ATF7: variants seen among roughly 807,000 people sequenced by gnomAD.
ATF7 encodes cyclic AMP-dependent transcription factor ATF-7.
ATF7 carries 10 observed loss-of-function variants against 50.4 expected under a neutral mutation model. That is an observed-to-expected ratio of 0.20 (90% CI 0.12 to 0.34). The LOEUF is 0.34. Among genes scored for constraint, ATF7 ranks in the 10% least tolerant of loss-of-function variants. The pLI is 1.00. For missense variants in ATF7, 465 were observed against 613.9 expected, an observed-to-expected ratio of 0.76 and a Z score of 2.56; for synonymous variants, 201 against 226.4, an observed-to-expected ratio of 0.89 and a Z score of 1.01.
intron 1 of ATF7, among the ~76,000 whole-genome samples, chr12:53,606,576 T>A (rs1021283193): frequency 6.6e-6 from 1 of 151,976 alleles, no homozygotes; most frequent in Non-Finnish European, 1.5e-5. Flanking sequence ...ATTTTAATAT[T>A]ATTATACTTT....
At chr12:53,547,230 C>T (rs1243542395) in intron 3 of ATF7, among the ~76,000 whole-genome samples, 2 of 150,532 alleles carry the variant, frequency 1.3e-5, no homozygotes, top group Non-Finnish European at 2.9e-5. Context: ...GTGATCCACC[C>T]GCCTCAGTGT....
intron 3 of ATF7, among the ~76,000 whole-genome samples, chr12:53,550,323 C>CA (rs72114384): frequency 0.056 from 7,090 of 125,952 alleles, 251 homozygotes; most frequent in Non-Finnish European, 0.087. Flanking sequence ...GACCCTGTCT[C>CA]AAAAAAAAAA....
chr12:53,563,036 G>C (rs951712275), intron 2 of ATF7, among the ~76,000 whole-genome samples: 16 of 152,030 alleles, frequency 1.1e-4, no homozygotes, highest in African/African-American at 3.9e-4. Flanking sequence ...TTTCTACCCA[G>C]GTCAGTCTCT....
chr12:53,564,579 A>G (rs1482697169), intron 2 of ATF7, among the ~76,000 whole-genome samples: 1 of 152,212 alleles, frequency 6.6e-6, no homozygotes, highest in African/African-American at 2.4e-5. Flanking sequence ...GGTGTCAAAC[A>G]GTGTCAAGAA....
chr12:53,554,344 T>A (rs535376918), intron 2 of ATF7, among the ~76,000 whole-genome samples: 1 of 151,704 alleles, frequency 6.6e-6, no homozygotes, highest in South Asian at 2.1e-4. Flanking sequence ...TTGGTCAGGG[T>A]GGTCTTGAAC....
chr12:53,516,934 C>T lies in ATF7; in HGVS notation c.*203G>A, dbSNP rs781339550. 448 of 625,758 alleles carry T rather than the reference C, an allele frequency of 7.2e-4. No homozygotes were observed. The highest frequency in any genetic ancestry group is 8.1e-4 in the Non-Finnish European group (292 of 360,152). 38.8% of individuals were successfully genotyped at this position (625,758 alleles called of 1,614,324 possible). ...CCCTGGGGGATGATCTATGAGGCTC[C>T]GGGGCTGGGAGGCCCCCAGCACAGG... On this transcript the variant is annotated 3_prime_UTR_variant, in exon 12 of 12. Transcript: ENST00000420353.
chr12:53,534,372 T>A, intron 6 of ATF7, 130 bp downstream of exon 6: 2 of 1,374,914 alleles, frequency 1.5e-6, no homozygotes, highest in Non-Finnish European at 1.0e-6. Flanking sequence ...GGGGAAAAAT[T>A]TATTTTGAGA....
intron 3 of ATF7, 74 bp downstream of exon 3, chr12:53,552,467 G>T: frequency 8.6e-7 from 1 of 1,157,058 alleles, no homozygotes; most frequent in Non-Finnish European, 1.3e-6. Flanking sequence ...ACAGCTCCCA[G>T]TACATCTGGT....
At chr12:53,608,169 G>C (rs1943694007) in intron 1 of ATF7, among the ~76,000 whole-genome samples, 1 of 146,648 alleles carries the variant, frequency 6.8e-6, no homozygotes, top group African/African-American at 2.5e-5. Context: ...GCAGTGAGCT[G>C]AGATTGTGCC....
At chr12:53,609,470 TAAAA>T (rs10715146) in intron 1 of ATF7, among the ~76,000 whole-genome samples, 1 of 139,508 alleles carries the variant, frequency 7.2e-6, no homozygotes. Flanking sequence ...CCCTGTTTCT[TAAAA>T]AAAAAAAAAA....
intron 2 of ATF7, among the ~76,000 whole-genome samples, chr12:53,564,995 CCT>C (rs1452753661): frequency 3.3e-5 from 5 of 151,262 alleles, no homozygotes; most frequent in Non-Finnish European, 7.4e-5. Flanking sequence ...AGATTGTACA[CCT>C]CTGTTTTACA....
intron 1 of ATF7, among the ~76,000 whole-genome samples, chr12:53,612,818 T>C (rs996110640): frequency 3.9e-5 from 6 of 152,016 alleles, no homozygotes; most frequent in African/African-American, 1.2e-4. Flanking sequence ...AGCTTGGCCA[T>C]CACTGTGAAA....
chr12:53,619,486 CAAAAAAAAAAA>C (rs112474373), intron 1 of ATF7, among the ~76,000 whole-genome samples: 1 of 64,054 alleles, frequency 1.6e-5, no homozygotes, highest in Non-Finnish European at 3.2e-5. Flanking sequence ...GACTCCGTGT[CAAAAAAAAAAA>C]AAAAAAGAAA....
At chr12:53,540,735 A>G (rs966464677) in intron 4 of ATF7, among the ~76,000 whole-genome samples, 3 of 151,768 alleles carry the variant, frequency 2.0e-5, no homozygotes, top group African/African-American at 7.2e-5. Context: ...CAAAAAAATA[A>G]TAATAATAAA....
intron 9 of ATF7, among the ~76,000 whole-genome samples, chr12:53,529,303 G>A (rs931919052): frequency 6.6e-5 from 10 of 151,902 alleles, no homozygotes; most frequent in African/African-American, 1.9e-4. Context: ...GGGTTCAAGC[G>A]ATTCTCATGC....
downstream of ATF7, among the ~76,000 whole-genome samples, chr12:53,511,793 C>T (rs1944135024): frequency 6.6e-6 from 1 of 152,200 alleles, no homozygotes; most frequent in African/African-American, 2.4e-5. Flanking sequence ...TACTTGCTGC[C>T]AGGATGCCAA....
chr12:53,539,742 C>G (rs575907352), intron 4 of ATF7, among the ~76,000 whole-genome samples: 25 of 151,006 alleles, frequency 1.7e-4, no homozygotes, highest in South Asian at 1.3e-3. Flanking sequence ...AAAAAAATGA[C>G]AAAAAGACTG....
chr12:53,532,124 G>C (rs11170586), intron 8 of ATF7, among the ~76,000 whole-genome samples: 6,525 of 152,168 alleles, frequency 0.043, 404 homozygotes, highest in African/African-American at 0.13. Flanking sequence ...GTTGGGGGCT[G>C]GGGGTTGTTA....
downstream of ATF7, among the ~76,000 whole-genome samples, chr12:53,511,251 T>C (rs1474518760): frequency 6.6e-6 from 1 of 152,220 alleles, no homozygotes; most frequent in Non-Finnish European, 1.5e-5. Context: ...TTGTGAACTC[T>C]TACCTGCTTT....
Sources: gnomAD v4.1 joint callset for allele counts (sites outside exome capture counted in the v4.1 genomes callset) on GRCh38, gnomAD v4.1.1 for gene constraint, MANE v1.5 for transcripts, NCBI Gene and HGNC (gene_info 2026-07-23, HGNC 2026-07-21) for gene names.